The following ITPR2 variants were observed in gnomAD, a reference collection of about 807,000 sequenced individuals.
The protein encoded by ITPR2 is inositol 1,4,5-trisphosphate-gated calcium channel ITPR2.
Under a neutral mutation model 317.1 loss-of-function variants are expected in ITPR2, and 207 were observed. The ratio of observed to expected loss-of-function variants is 0.65; its 90% CI spans 0.58 to 0.73. The LOEUF is 0.73. Among genes scored for constraint, ITPR2 ranks in the 30% least tolerant of loss-of-function variants. The pLI is 0.00. For synonymous variants in ITPR2, 1,156 were observed against 1,149.1 expected (o/e 1.01, Z -0.12); for missense variants, 2,613 against 3,284.0 (o/e 0.80, Z 4.99).
chr12:26,402,756 T>C (rs1169664796), intron 52 of ITPR2, among the ~76,000 whole-genome samples: 3 of 152,196 alleles, frequency 2.0e-5, no homozygotes, highest in Non-Finnish European at 4.4e-5. Context: ...ACTCTCAATA[T>C]GGTAAGCCAA....
At chr12:26,828,068 CT>C (rs1951035101) in intron 1 of ITPR2, among the ~76,000 whole-genome samples, 1 of 152,208 alleles carries the variant, frequency 6.6e-6, no homozygotes, top group Non-Finnish European at 1.5e-5. Context: ...ACAGCATCTT[CT>C]CTCCTTCTTA....
intron 1 of ITPR2, among the ~76,000 whole-genome samples, chr12:26,816,167 A>G (rs964810765): frequency 6.6e-6 from 1 of 151,780 alleles, no homozygotes; most frequent in African/African-American, 2.4e-5. Flanking sequence ...TTTAACATCA[A>G]TGTAATATTA....
Position 26,753,803 on chromosome 12 carries a change from G to A in ITPR2, c.164-28038C>T, listed in dbSNP as rs573814122. ...CACCTATAAGCCTGCTGTTCAAGAC[G>A]ACCCAGCAAACTGGCCAGTTACAAA... On this transcript the variant is annotated intron_variant, in intron 2 of 56. Transcript: ENST00000381340. Among the ~76,000 whole-genome samples, 57 of 152,188 alleles carry A rather than the reference G, an allele frequency of 3.7e-4. 1 individual carries two copies. In the South Asian group the frequency reaches 5.6e-3, roughly 15 times the overall value.
intron 9 of ITPR2, among the ~76,000 whole-genome samples, chr12:26,707,690 T>G (rs1216106309): frequency 6.6e-6 from 1 of 152,162 alleles, no homozygotes; most frequent in African/African-American, 2.4e-5. Context: ...CCCGCCATCA[T>G]GCCTGGCTAA....
chr12:26,414,175 C>T (rs1940649142), intron 51 of ITPR2, among the ~76,000 whole-genome samples: 1 of 151,860 alleles, frequency 6.6e-6, no homozygotes. Context: ...ACAGAAAATA[C>T]TCTATGTTCC....
At chr12:26,491,197 T>C (rs898683754) in intron 39 of ITPR2, among the ~76,000 whole-genome samples, 9 of 151,970 alleles carry the variant, frequency 5.9e-5, no homozygotes, top group Admixed American at 3.3e-4. Context: ...TGGAAAGGCA[T>C]CTTTGGCTGG....
chr12:26,783,134 C>T (rs1950125785), intron 2 of ITPR2, among the ~76,000 whole-genome samples: 1 of 152,198 alleles, frequency 6.6e-6, no homozygotes, highest in Admixed American at 6.5e-5. Flanking sequence ...TCCCCCAAGT[C>T]CCTAATTACT....
chr12:26,373,177 A>G (rs1939237136), intron 55 of ITPR2, among the ~76,000 whole-genome samples: 1 of 152,250 alleles, frequency 6.6e-6, no homozygotes, highest in South Asian at 2.1e-4. Flanking sequence ...TTTGTAAGAT[A>G]AAATAAACAT....
chr12:26,625,925 T>C, intron 23 of ITPR2, among the ~76,000 whole-genome samples: 1 of 152,174 alleles, frequency 6.6e-6, no homozygotes, highest in Admixed American at 6.5e-5. Flanking sequence ...CACTAACATT[T>C]TGAAGATAAC....
chr12:26,464,642 T>C (rs754415612), intron 45 of ITPR2, among the ~76,000 whole-genome samples: 2 of 152,224 alleles, frequency 1.3e-5, no homozygotes, highest in Non-Finnish European at 2.9e-5. Context: ...CAATTTACTA[T>C]ATCAAACACA....
chr12:26,756,594 C>A (rs763720809), intron 2 of ITPR2, among the ~76,000 whole-genome samples: 2 of 152,158 alleles, frequency 1.3e-5, no homozygotes, highest in African/African-American at 4.8e-5. Context: ...TGCCTCTTGT[C>A]GGAACTCAAG....
rs780708393 is a variant in ITPR2, at chr12:26,487,137, T to C, written c.5485A>G (p.Thr1829Ala). ...CTTTTTTTGTTACCTAAATCTATGGTATTAACTGTCACTGTTGATCTTATT... is the reference window on the plus strand; with the variant it reads ...CTTTTTTTGTTACCTAAATCTATGGCATTAACTGTCACTGTTGATCTTATT... ...KEIRSTVTVNTIDLGNKKRDD... is the reference protein window; with the variant it reads ...KEIRSTVTVNAIDLGNKKRDD... The change falls in exon 40 of 57, where the codon ACC (threonine) becomes GCC (alanine). Residue 1829 changes from threonine to alanine, a missense_variant. This residue lies in a region of ITPR2 where 926 missense variants were observed against 1,072.8 expected (regional missense o/e 0.86). Coordinates refer to ENST00000381340, the MANE Select transcript of ITPR2 (RefSeq NM_002223.4). The C allele has an allele frequency of 1.9e-6, 3 of 1,613,546 alleles. No individual in the cohort carries two copies. The highest frequency in any genetic ancestry group is 1.1e-5 in the South Asian group (1 of 91,056).
intron 35 of ITPR2, 106 bp downstream of exon 35, chr12:26,561,656 C>G (rs1307955309): frequency 4.4e-6 from 4 of 911,778 alleles, no homozygotes. Flanking sequence ...AAGGCCTGGT[C>G]CCCAAATAGA....
chr12:26,483,733 T>A lies in ITPR2; in HGVS notation c.5977A>T (p.Thr1993Ser), dbSNP rs745494857. The A allele has an allele frequency of 6.2e-7, 1 of 1,614,226 alleles. No individual in the cohort carries two copies. The change falls in exon 42 of 57, where the codon ACT becomes TCT. Residue 1993 changes from threonine to serine, a missense_variant. Physicochemically the swap from Thr to Ser is moderately conservative, Grantham distance 58 (BLOSUM62 1). This residue lies in a region of ITPR2 where 926 missense variants were observed against 1,072.8 expected (regional missense o/e 0.86). Coordinates refer to ENST00000381340, the MANE Select transcript of ITPR2 (RefSeq NM_002223.4). ...TGGCAAGGGCCCTGGCAATACTCAG[T>A]CAAGCTCTCCAGGTTCTGGTTGACC... is the stretch of plus-strand genomic sequence containing the variant. ...ALVNQNLESL[T>S]EYCQGPCHEN... is the part of the protein sequence containing the mutation.
At chr12:26,676,691 ATAAT>A (rs1947915110) in intron 13 of ITPR2, among the ~76,000 whole-genome samples, 1 of 152,074 alleles carries the variant, frequency 6.6e-6, no homozygotes, top group African/African-American at 2.4e-5. Flanking sequence ...TTTAAAAAAT[ATAAT>A]TAATCACTAA....
At chr12:26,443,054 GA>G (rs1455055238) in intron 46 of ITPR2, among the ~76,000 whole-genome samples, 2 of 152,062 alleles carry the variant, frequency 1.3e-5, no homozygotes, top group Non-Finnish European at 2.9e-5. Context: ...GAGGGTGGTG[GA>G]GGGGTCAAGT....
intron 37 of ITPR2, among the ~76,000 whole-genome samples, chr12:26,526,009 T>A (rs146013900): frequency 1.3e-5 from 2 of 152,208 alleles, no homozygotes; most frequent in Non-Finnish European, 2.9e-5. Context: ...TACAATACTA[T>A]GCACACTTTA....
chr12:26,411,434 T>C (rs766917808), intron 51 of ITPR2, 22 bp from the exon 52 acceptor site: 4 of 1,513,728 alleles, frequency 2.6e-6, no homozygotes, highest in South Asian at 1.1e-5. Flanking sequence ...CAAAGTAGTA[T>C]ATAATATAGA....
chr12:26,497,743 C>T (rs1942974371), intron 37 of ITPR2, among the ~76,000 whole-genome samples: 1 of 146,078 alleles, frequency 6.8e-6, no homozygotes, highest in South Asian at 2.2e-4. Flanking sequence ...CGGAGTCTCA[C>T]TCTGTTGCCC....
Sources: allele counts gnomAD v4.1 joint callset (sites outside exome capture counted in the v4.1 genomes callset), GRCh38; gene constraint gnomAD v4.1.1; regional missense constraint gnomAD v4.1.1; transcripts MANE v1.5; gene names NCBI Gene and HGNC (gene_info 2026-07-23, HGNC 2026-07-21).